Variants in RGS6 observed in about 807,000 individuals in gnomAD.
The protein encoded by RGS6 is regulator of G protein signaling 6.
RGS6 carries 30 observed loss-of-function variants against 78.5 expected under a neutral mutation model. That is an observed-to-expected ratio of 0.38 (90% confidence interval 0.29 to 0.52). The LOEUF is 0.52. RGS6 is among the 20% of genes least tolerant of loss of function. The probability of loss-of-function intolerance (pLI) is 0.85; values close to 1 mark genes in which losing one functional copy is unlikely to be tolerated. For missense variants in RGS6, 495 were observed against 609.7 expected (o/e 0.81, Z 1.98); for synonymous variants, 206 against 206.0 (o/e 1.00, Z 0.00).
chr14:72,042,100 C>T (rs989341828), intron 2 of RGS6, among the ~76,000 whole-genome samples: 1 of 150,236 alleles, frequency 6.7e-6, no homozygotes, highest in African/African-American at 2.4e-5. Context: ...GAAATTTCCT[C>T]TAATACTTTC....
intron 2 of RGS6, among the ~76,000 whole-genome samples, chr14:71,990,017 T>C (rs1354295581): frequency 6.6e-6 from 1 of 152,064 alleles, no homozygotes; most frequent in Non-Finnish European, 1.5e-5. Flanking sequence ...TCTGCAGGTG[T>C]ACAAGAAGCA....
chr14:72,629,832 G>T, the RGS6 span: 4 of 1,031,094 alleles, frequency 3.9e-6, no homozygotes, highest in South Asian at 2.8e-5. Context: ...CAGTGTGCAG[G>T]CAGGGCAGGG....
intron 2 of RGS6, among the ~76,000 whole-genome samples, chr14:72,113,355 C>A (rs2095815547): frequency 6.6e-6 from 1 of 152,166 alleles, no homozygotes; most frequent in African/African-American, 2.4e-5. Context: ...AGACTCAGGA[C>A]TCCTGTTTCC....
the RGS6 span, among the ~76,000 whole-genome samples, chr14:71,913,044 G>C: frequency 6.6e-6 from 1 of 151,972 alleles, no homozygotes; most frequent in Non-Finnish European, 1.5e-5. Flanking sequence ...AGCCAGGATG[G>C]TTTCGATACC....
At chr14:72,534,081 C>T (rs150659047) in intron 15 of RGS6, among the ~76,000 whole-genome samples, 304 of 152,292 alleles carry the variant, frequency 2.0e-3, no homozygotes, top group African/African-American at 6.7e-3. Flanking sequence ...TCAATTGATG[C>T]GACAAACTTC....
At chr14:72,064,822 A>C (rs1025388960) in intron 2 of RGS6, among the ~76,000 whole-genome samples, 5 of 152,236 alleles carry the variant, frequency 3.3e-5, no homozygotes, top group Non-Finnish European at 7.3e-5. Context: ...TATCATGTGT[A>C]CTTATCTTGA....
intron 3 of RGS6, among the ~76,000 whole-genome samples, chr14:72,431,103 G>C (rs1440122459): frequency 2.0e-5 from 3 of 152,144 alleles, no homozygotes; most frequent in African/African-American, 7.2e-5. Context: ...ATACAGGGCT[G>C]CAAAAGTCCA....
intron 2 of RGS6, among the ~76,000 whole-genome samples, chr14:72,320,383 C>T (rs914780743): frequency 2.0e-5 from 3 of 151,628 alleles, no homozygotes; most frequent in African/African-American, 7.3e-5. Flanking sequence ...TCGAGACCAT[C>T]CTGGCTAACA....
chr14:72,353,799 A>G (rs185729912), intron 3 of RGS6, among the ~76,000 whole-genome samples: 1 of 152,260 alleles, frequency 6.6e-6, no homozygotes, highest in Admixed American at 6.5e-5. Context: ...CTTGGCCAAC[A>G]TGGCAAAACC....
chr14:72,620,892 G>C, the RGS6 span, among the ~76,000 whole-genome samples: 2 of 152,224 alleles, frequency 1.3e-5, no homozygotes, highest in Admixed American at 6.5e-5. Flanking sequence ...TGTAATCCCA[G>C]CACTTAGGGA....
intron 3 of RGS6, among the ~76,000 whole-genome samples, chr14:72,433,679 C>T (rs1200771478): frequency 1.3e-5 from 2 of 152,234 alleles, no homozygotes; most frequent in South Asian, 2.1e-4. Flanking sequence ...ACTCAACTCC[C>T]CAGCCCTCCT....
chr14:72,445,029 G>T (rs996262108), intron 3 of RGS6, among the ~76,000 whole-genome samples: 4 of 152,218 alleles, frequency 2.6e-5, no homozygotes, highest in African/African-American at 9.6e-5. Flanking sequence ...GCCAGTGAGT[G>T]TCTCTCAGCC....
chr14:71,969,548 C>T (rs2093691323), intron 2 of RGS6, among the ~76,000 whole-genome samples: 2 of 152,196 alleles, frequency 1.3e-5, no homozygotes, highest in African/African-American at 2.4e-5. Flanking sequence ...GAGGCTCTGC[C>T]TGTCTGGTCC....
chr14:72,312,787 G>A (rs1199113725), intron 2 of RGS6, among the ~76,000 whole-genome samples: 1 of 152,160 alleles, frequency 6.6e-6, no homozygotes, highest in Non-Finnish European at 1.5e-5. Flanking sequence ...ATTTGGGGAT[G>A]GTAGCTGGAA....
intron 3 of RGS6, among the ~76,000 whole-genome samples, chr14:72,356,266 G>C (rs1039574952): frequency 1.3e-5 from 2 of 152,054 alleles, no homozygotes; most frequent in Non-Finnish European, 2.9e-5. Context: ...ATAATAGCGA[G>C]TGAGTTCTCA....
At chr14:71,958,012 C>T (rs899335457) in intron 1 of RGS6, among the ~76,000 whole-genome samples, 1 of 138,178 alleles carries the variant, frequency 7.2e-6, no homozygotes, top group Non-Finnish European at 1.6e-5. Context: ...AAGCAATCCT[C>T]ATGCATGCAT....
chr14:72,456,354 G>A (rs984043420), intron 4 of RGS6, among the ~76,000 whole-genome samples: 7 of 152,216 alleles, frequency 4.6e-5, no homozygotes, highest in African/African-American at 9.6e-5. Context: ...GCAGTGGCAC[G>A]AGCATAGCTC....
At chr14:72,012,045 G>A (rs1168308156) in intron 2 of RGS6, among the ~76,000 whole-genome samples, 3 of 152,150 alleles carry the variant, frequency 2.0e-5, no homozygotes, top group Admixed American at 2.0e-4. Flanking sequence ...ATTTTTGGGT[G>A]GCTGGGAACA....
intron 7 of RGS6, among the ~76,000 whole-genome samples, chr14:72,468,255 T>C (rs1425032146): frequency 6.6e-6 from 1 of 152,040 alleles, no homozygotes; most frequent in African/African-American, 2.4e-5. Flanking sequence ...GGCACACGCC[T>C]GTAGATCCAG....
Sources: allele counts gnomAD v4.1 joint callset (sites outside exome capture counted in the v4.1 genomes callset), GRCh38; gene constraint gnomAD v4.1.1; transcripts MANE v1.5; gene names NCBI Gene and HGNC (gene_info 2026-07-23, HGNC 2026-07-21).